ZNF608: variants seen among roughly 807,000 people sequenced by gnomAD.
ZNF608 encodes the protein renal carcinoma antigen NY-REN-36.
In ZNF608, 12 loss-of-function variants were observed where a neutral mutation model predicts 109.0. That is an observed-to-expected ratio of 0.11 (90% CI 0.07 to 0.18). ZNF608 has a LOEUF of 0.18. ZNF608 is among the 10% of genes least tolerant of loss of function. The probability of loss-of-function intolerance (pLI) is 1.00; values close to 1 mark genes in which losing one functional copy is unlikely to be tolerated. For missense variants in ZNF608, 1,707 were observed against 1,879.3 expected (o/e 0.91, Z 1.70); for synonymous variants, 732 against 717.4 (o/e 1.02, Z -0.33).
intron 2 of ZNF608, among the ~76,000 whole-genome samples, chr5:124,722,399 G>A (rs558570477): frequency 6.6e-6 from 1 of 152,212 alleles, no homozygotes; most frequent in East Asian, 1.9e-4. Flanking sequence ...AAGATTCCGG[G>A]AAACATCAGT....
intron 2 of ZNF608, among the ~76,000 whole-genome samples, chr5:124,723,816 T>G (rs761233734): frequency 6.6e-6 from 1 of 152,068 alleles, no homozygotes; most frequent in Non-Finnish European, 1.5e-5. Context: ...TAAAAAAATT[T>G]GCAAAACACA....
chr5:124,661,486 A>G (rs976778829), intron 3 of ZNF608, among the ~76,000 whole-genome samples: 4 of 149,534 alleles, frequency 2.7e-5, no homozygotes, highest in Non-Finnish European at 4.5e-5. Context: ...CAGGGAAGAA[A>G]AAAAAAAAAA....
chr5:124,703,784 C>T (rs1242395910), intron 2 of ZNF608, among the ~76,000 whole-genome samples: 1 of 152,036 alleles, frequency 6.6e-6, no homozygotes, highest in African/African-American at 2.4e-5. Flanking sequence ...ACAACAACAA[C>T]AGCAACAACA....
intron 2 of ZNF608, among the ~76,000 whole-genome samples, chr5:124,713,194 C>A (rs1753569384): frequency 6.6e-6 from 1 of 152,168 alleles, no homozygotes; most frequent in African/African-American, 2.4e-5. Context: ...TTCACTAGTT[C>A]CCTAAGGTGG....
At position 124,665,220 on chromosome 5, in the gene ZNF608, G is replaced by A. The variant is rs575264585; in HGVS notation, c.1163-15523C>T. Among the ~76,000 whole-genome samples, 11 of 151,874 alleles carry A rather than the reference G, an allele frequency of 7.2e-5. No individual in the cohort carries two copies. The South Asian group carries it at 2.3e-3, about 32-fold the overall frequency. On this transcript the variant is annotated intron_variant, in intron 3 of 9. Transcript: ENST00000513986. ...ATACCATGTTCAGTGACATCACACT[G>A]GAAACTTGAAACTGACCACGGTGGT...
intron 3 of ZNF608, among the ~76,000 whole-genome samples, chr5:124,692,113 T>A (rs1752651944): frequency 6.6e-6 from 1 of 152,250 alleles, no homozygotes; most frequent in South Asian, 2.1e-4. Context: ...AATATTTTGT[T>A]CCTCCTTCCT....
Position 124,641,342 on chromosome 5 carries a change from G to T in ZNF608, c.4360C>A (p.Pro1454Thr), listed in dbSNP as rs1750229090. ...GTGTGCAGGTGCCGCTGGCCGAAGG[G>T]GGAGTGGCGATCCCTTTCCCTTTCT... Reference protein sequence around the residue: ...EAERERDRHSPFGQRHLHTHH... With the variant: ...EAERERDRHSTFGQRHLHTHH... The change falls in exon 8 of 10, where the codon CCC becomes ACC. Residue 1454 changes from proline (P) to threonine (T), a missense_variant. This residue lies in a region of ZNF608 where 1,073 missense variants were observed against 1,133.5 expected (regional missense o/e 0.95). Transcript: ENST00000513986. 6.2e-7 allele frequency: 1 copy of T among 1,614,040 alleles called. No homozygotes were observed. The highest frequency in any genetic ancestry group is 8.5e-7 in the Non-Finnish European group (1 of 1,180,020).
chr5:124,647,733 T>C lies in ZNF608; in HGVS notation c.2651A>G (p.Asp884Gly). ...SRMASIKAEA[D>G]KVYTFTDNAP... ...GTTGTCTGTGAAAGTGTAAACCTTA[T>C]CGGCCTCAGCTTTGATACTGGCCAT... The change falls in exon 5 of 10, where the codon GAT (aspartate) becomes GGT (glycine). Residue 884 changes from aspartate (D) to glycine (G), a missense_variant. Asp to Gly is a moderately conservative substitution (Grantham distance 94). This residue lies in a region of ZNF608 where 1,073 missense variants were observed against 1,133.5 expected (regional missense o/e 0.95). Coordinates refer to ENST00000513986, the MANE Select transcript of ZNF608 (RefSeq NM_020747.3). 1 of 1,614,200 alleles carries C rather than the reference T, an allele frequency of 6.2e-7. No individual in the cohort carries two copies. The highest frequency in any genetic ancestry group is 8.5e-7 in the Non-Finnish European group (1 of 1,180,032).
At chr5:124,682,801 A>G (rs1445342725) in intron 3 of ZNF608, among the ~76,000 whole-genome samples, 4 of 152,208 alleles carry the variant, frequency 2.6e-5, no homozygotes, top group African/African-American at 4.8e-5. Context: ...TAATGTAAAA[A>G]CTGAATATTG....
intron 3 of ZNF608, among the ~76,000 whole-genome samples, chr5:124,652,517 G>A (rs540243855): frequency 6.6e-6 from 1 of 152,084 alleles, no homozygotes; most frequent in Non-Finnish European, 1.5e-5. Flanking sequence ...GTTTAAATCT[G>A]CCCACAATTC....
chr5:124,730,646 G>A (rs1748852820), intron 2 of ZNF608, among the ~76,000 whole-genome samples: 3 of 152,290 alleles, frequency 2.0e-5, no homozygotes, highest in South Asian at 4.1e-4. Context: ...CAGGTTTATA[G>A]AAATCATTTT....
Position 124,648,026 on chromosome 5 carries a change from T to C in ZNF608, c.2358A>G (p.Lys786=). The C allele has an allele frequency of 1.2e-6, 2 of 1,614,070 alleles. No homozygotes were observed. The highest frequency in any genetic ancestry group is 1.7e-6 in the Non-Finnish European group (2 of 1,179,998). ...TAATTGTGGGCTTTGGTTGAATGGG[T>C]TTTAACGGAGGACTCTTTGGTGTAG... ...VQATPKSPPL[K]PIQPKPTIMG... The change falls in exon 5 of 10, where the codon AAA becomes AAG. Residue 786 remains lysine, a synonymous_variant. Coordinates refer to ENST00000513986, the MANE Select transcript of ZNF608 (RefSeq NM_020747.3).
intron 3 of ZNF608, among the ~76,000 whole-genome samples, chr5:124,694,869 CCA>C (rs1340327465): frequency 6.6e-6 from 1 of 152,118 alleles, no homozygotes; most frequent in African/African-American, 2.4e-5. Flanking sequence ...CGGGAACCAT[CCA>C]CACTTTCACT....
At chr5:124,700,625 C>CT in intron 3 of ZNF608, among the ~76,000 whole-genome samples, 1 of 152,300 alleles carries the variant, frequency 6.6e-6, no homozygotes, top group South Asian at 2.1e-4. Flanking sequence ...AAATATAAGC[C>CT]TCTACAACAC....
At chr5:124,735,401 G>A (rs1749101031) in intron 2 of ZNF608, among the ~76,000 whole-genome samples, 1 of 139,486 alleles carries the variant, frequency 7.2e-6, no homozygotes, top group East Asian at 2.0e-4. Context: ...TCGGGAACGC[G>A]CAGCCCCGGG....
intron 3 of ZNF608, among the ~76,000 whole-genome samples, chr5:124,651,984 C>T (rs961090820): frequency 6.6e-6 from 1 of 152,048 alleles, no homozygotes; most frequent in Non-Finnish European, 1.5e-5. Flanking sequence ...CGTGACCGTG[C>T]TGCGCTCCCC....
At chr5:124,653,081 A>G (rs1471231398) in intron 3 of ZNF608, among the ~76,000 whole-genome samples, 1 of 152,212 alleles carries the variant, frequency 6.6e-6, no homozygotes, top group Non-Finnish European at 1.5e-5. Context: ...CCTTTGTCAG[A>G]GAGCTAATGC....
intron 2 of ZNF608, among the ~76,000 whole-genome samples, chr5:124,743,022 T>C (rs372014998): frequency 6.6e-6 from 1 of 152,170 alleles, no homozygotes; most frequent in East Asian, 1.9e-4. Flanking sequence ...CCCTAACTCC[T>C]TCCCAACCTG....
At chr5:124,743,847 G>A (rs1371523145) in intron 2 of ZNF608, among the ~76,000 whole-genome samples, 1 of 137,056 alleles carries the variant, frequency 7.3e-6, no homozygotes, top group Non-Finnish European at 1.6e-5. Flanking sequence ...CCAAACACTA[G>A]CATCACAAGC....
Sources: gnomAD v4.1 joint callset for allele counts (sites outside exome capture counted in the v4.1 genomes callset) on GRCh38, gnomAD v4.1.1 for gene constraint, gnomAD v4.1.1 regional missense constraint, MANE v1.5 for transcripts, NCBI Gene and HGNC (gene_info 2026-07-23, HGNC 2026-07-21) for gene names.